NCALD: variants seen among roughly 807,000 people sequenced by gnomAD.
The protein encoded by NCALD is neurocalcin-delta.
NCALD carries 10 observed loss-of-function variants against 18.6 expected under a neutral mutation model. The observed-to-expected ratio is 0.54, with a 90% CI of 0.33 to 0.91. The LOEUF is 0.91. Ranked by LOEUF, NCALD falls within the 40% of genes least tolerant of loss-of-function variation. The pLI is 0.03. For missense variants in NCALD, 184 were observed against 247.6 expected, an observed-to-expected ratio of 0.74 and a Z score of 1.72; for synonymous variants, 88 against 87.4, an observed-to-expected ratio of 1.01 and a Z score of -0.04.
At chr8:101,710,102 C>G (rs1315650515) in intron 2 of NCALD, among the ~76,000 whole-genome samples, 3 of 152,154 alleles carry the variant, frequency 2.0e-5, no homozygotes, top group African/African-American at 7.2e-5. Flanking sequence ...ACTGGTTAGA[C>G]AGTGAGTACA....
rs1345526537 is a variant in NCALD at position 101,891,811 on chromosome 8, A to T, written c.-106-4584T>A. Among the ~76,000 whole-genome samples, 4 of 152,330 alleles carry T rather than the reference A, an allele frequency of 2.6e-5. No homozygotes were observed. The South Asian group carries it at 6.2e-4, about 24-fold the overall frequency. On this transcript the variant is annotated intron_variant, in intron 3 of 6. Coordinates refer to the NCALD transcript ENST00000311028. ...AATATTGCACTTTTCAGACCAGCTT[A>T]AAAAACGGAGCACCACGAGATTATA...
At chr8:101,893,562 G>A (rs1817008321) in intron 3 of NCALD, among the ~76,000 whole-genome samples, 1 of 127,106 alleles carries the variant, frequency 7.9e-6, no homozygotes. Flanking sequence ...AAAAGACACA[G>A]ACTGGCAAAT....
intron 1 of NCALD, among the ~76,000 whole-genome samples, chr8:102,045,657 A>C (rs893860392): frequency 6.6e-6 from 1 of 152,106 alleles, no homozygotes; most frequent in Non-Finnish European, 1.5e-5. Flanking sequence ...AACACAATCC[A>C]CGGAGAACAA....
At chr8:101,694,739 C>T (rs1459071676) in intron 2 of NCALD, among the ~76,000 whole-genome samples, 1 of 152,114 alleles carries the variant, frequency 6.6e-6, no homozygotes, top group African/African-American at 2.4e-5. Flanking sequence ...TGCCTGCTGT[C>T]ATCCCAGCCC....
In NCALD at chr8:101,926,634, C is replaced by G. The variant is rs1171047500; in HGVS notation, c.-156-10776G>C. 2.0e-5 allele frequency among the ~76,000 whole-genome samples: 3 copies of G among 152,160 alleles called. No individual in the cohort carries two copies. In the East Asian group the frequency reaches 5.8e-4, roughly 29 times the overall value. ...GCTGACGATCTACCAGGTGGCAGAG[C>G]CAGCACTCAGCTTCAAAGACCACAG... On this transcript the variant is annotated intron_variant, in intron 2 of 6. Transcript: ENST00000311028.
intron 2 of NCALD, among the ~76,000 whole-genome samples, chr8:101,703,796 G>C (rs1238502561): frequency 6.6e-6 from 1 of 152,186 alleles, no homozygotes. Context: ...GAGTGGCACA[G>C]AGAGAACTCC....
At chr8:101,713,856 A>C (rs952176201) in intron 2 of NCALD, among the ~76,000 whole-genome samples, 2 of 152,240 alleles carry the variant, frequency 1.3e-5, no homozygotes, top group African/African-American at 4.8e-5. Flanking sequence ...AGAGGTACAA[A>C]GAGGAGCTTG....
intron 1 of NCALD, among the ~76,000 whole-genome samples, chr8:102,029,414 G>C (rs182442838): frequency 1.3e-5 from 2 of 152,190 alleles, no homozygotes; most frequent in Admixed American, 1.3e-4. Context: ...CAGAGGGAAG[G>C]GTCTTCTACA....
chr8:101,895,641 A>G (rs1032812366), intron 3 of NCALD, among the ~76,000 whole-genome samples: 1 of 148,268 alleles, frequency 6.7e-6, no homozygotes, highest in Admixed American at 6.7e-5. Context: ...AAATCTCCTT[A>G]AGCTGATAAG....
In NCALD at chr8:102,022,043, T is replaced by G. The variant is rs116583413; in HGVS notation, c.-209-1754A>C. ...CAGAAAAGAGATGATACACTCAAATTGGAGCTTCAGTGCAGGGGACTATTT... is the reference window on the plus strand; with the variant it reads ...CAGAAAAGAGATGATACACTCAAATGGGAGCTTCAGTGCAGGGGACTATTT... On this transcript the variant is annotated intron_variant, in intron 1 of 6. Transcript: ENST00000311028. Among the ~76,000 whole-genome samples the G allele has an allele frequency of 6.1e-3, 931 of 152,276 alleles. 8 individuals are homozygous for G. Among genetic ancestry groups the G allele is most frequent in the African/African-American group, 0.018 (729 of 41,574 alleles).
chr8:101,743,282 CA>C (rs66509084), intron 1 of NCALD, among the ~76,000 whole-genome samples: 93,346 of 151,884 alleles, frequency 0.61, 31,242 homozygotes, highest in Non-Finnish European at 0.75. Flanking sequence ...ACAGTAGGTC[CA>C]AAGCATGATA....
chr8:101,813,978 G>A (rs1392455650), intron 4 of NCALD, among the ~76,000 whole-genome samples: 1 of 151,966 alleles, frequency 6.6e-6, no homozygotes, highest in East Asian at 1.9e-4. Flanking sequence ...TAAATAATCT[G>A]AATAGGCCTT....
intron 1 of NCALD, among the ~76,000 whole-genome samples, chr8:102,065,010 C>CAAAA (rs34548051): frequency 0.15 from 12,905 of 87,362 alleles, 1,410 homozygotes; most frequent in African/African-American, 0.24. Context: ...CTCACTTTGG[C>CAAAA]AAAAAAAAAA....
At chr8:101,696,378 G>A (rs1391684883) in intron 2 of NCALD, among the ~76,000 whole-genome samples, 3 of 152,232 alleles carry the variant, frequency 2.0e-5, no homozygotes, top group African/African-American at 7.2e-5. Context: ...TGGCTTCTGT[G>A]ATGATATAGT....
chr8:102,044,492 G>A (rs986656586), intron 1 of NCALD, among the ~76,000 whole-genome samples: 8 of 152,268 alleles, frequency 5.3e-5, no homozygotes, highest in African/African-American at 1.7e-4. Flanking sequence ...ACATTTCTGC[G>A]TCGTTTCTAC....
intron 2 of NCALD, among the ~76,000 whole-genome samples, chr8:101,712,600 A>AAAAAAAAAAAAAAAC (rs1815856761): frequency 1.1e-5 from 1 of 92,184 alleles, no homozygotes; most frequent in Non-Finnish European, 2.4e-5. Context: ...AAAAAAAAAA[A>AAAAAAAAAAAAAAAC]AAAAAAAAAA....
intron 1 of NCALD, among the ~76,000 whole-genome samples, chr8:102,024,912 T>C (rs1476951514): frequency 1.3e-5 from 2 of 152,186 alleles, no homozygotes; most frequent in Non-Finnish European, 2.9e-5. Flanking sequence ...TATTCCAGCC[T>C]TGTCAAGTTG....
chr8:101,837,506 C>T (rs1469540218), intron 4 of NCALD, among the ~76,000 whole-genome samples: 1 of 152,174 alleles, frequency 6.6e-6, no homozygotes, highest in Non-Finnish European at 1.5e-5. Context: ...AACTTCTGCT[C>T]CAACTTCCAG....
Position 101,898,923 on chromosome 8 carries a change from G to A in NCALD, c.-106-11696C>T, listed in dbSNP as rs894406660. ...TATATATGTCTCCAAAATTCTTGTT[G>A]GAATTTTTATAAGAATTTCATTAAA... On this transcript the variant is annotated intron_variant, in intron 3 of 6. Coordinates refer to the NCALD transcript ENST00000311028. 7.2e-5 allele frequency among the ~76,000 whole-genome samples: 11 copies of A among 152,020 alleles called. No individual in the cohort carries two copies. In the East Asian group the frequency reaches 1.2e-3, roughly 16 times the overall value.
Sources: allele counts gnomAD v4.1 joint callset (sites outside exome capture counted in the v4.1 genomes callset), GRCh38; gene constraint gnomAD v4.1.1; transcripts MANE v1.5; gene names NCBI Gene and HGNC (gene_info 2026-07-23, HGNC 2026-07-21).